Variants in MSRA observed in about 807,000 individuals in gnomAD.
MSRA encodes the protein mitochondrial peptide methionine sulfoxide reductase.
In MSRA, 54 loss-of-function variants were observed where a neutral mutation model predicts 31.3. The observed-to-expected ratio is 1.73, with a 90% CI of 1.39 to 2.17. The LOEUF (loss-of-function observed/expected upper bound fraction) is 2.17, where lower values mean the gene tolerates loss of function less well. Among genes scored for constraint, MSRA ranks in the 30% most tolerant of loss-of-function variants. The pLI, the probability that MSRA is intolerant of heterozygous loss-of-function variation, is 0.00. For missense variants in MSRA, 507 were observed against 300.9 expected, an observed-to-expected ratio of 1.69 and a Z score of -5.07; for synonymous variants, 169 against 116.5, an observed-to-expected ratio of 1.45 and a Z score of -2.90.
At chr8:10,404,909 C>T (rs1414693759) in intron 5 of MSRA, among the ~76,000 whole-genome samples, 3 of 152,226 alleles carry the variant, frequency 2.0e-5, no homozygotes, top group Admixed American at 1.3e-4. Context: ...CACAGCTGTG[C>T]ACCCACTGCT....
chr8:10,123,890 G>A (rs148171432), intron 1 of MSRA, among the ~76,000 whole-genome samples: 51 of 151,528 alleles, frequency 3.4e-4, no homozygotes, highest in African/African-American at 1.2e-3. Context: ...TTTGAGACAG[G>A]GTCTCACTCT....
intron 1 of MSRA, among the ~76,000 whole-genome samples, chr8:10,106,949 A>C (rs1585160175): frequency 6.8e-6 from 1 of 146,850 alleles, no homozygotes; most frequent in Admixed American, 6.8e-5. Flanking sequence ...CTTCCCACCC[A>C]CCTACGCAAC....
At chr8:10,144,112 A>T (rs541932085) in intron 1 of MSRA, among the ~76,000 whole-genome samples, 1 of 152,318 alleles carries the variant, frequency 6.6e-6, no homozygotes, top group South Asian at 2.1e-4. Context: ...CGGATTTAGC[A>T]GGGCCGGATC....
chr8:10,278,229 C>G (rs1410157605), intron 3 of MSRA, among the ~76,000 whole-genome samples: 2 of 152,130 alleles, frequency 1.3e-5, no homozygotes, highest in Admixed American at 6.5e-5. Context: ...AGAAGGAATT[C>G]TGGAGTACCT....
At chr8:10,390,500 C>T (rs1806674700) in intron 5 of MSRA, among the ~76,000 whole-genome samples, 1 of 152,178 alleles carries the variant, frequency 6.6e-6, no homozygotes, top group East Asian at 1.9e-4. Context: ...CCACGGGAAG[C>T]CAGGGGCATC....
intron 2 of MSRA, among the ~76,000 whole-genome samples, chr8:10,235,800 C>T (rs768030837): frequency 1.3e-5 from 2 of 151,992 alleles, no homozygotes; most frequent in Non-Finnish European, 2.9e-5. Context: ...GGCTAGCCAA[C>T]CAATTTTCTG....
At chr8:10,368,813 T>G (rs1805313254) in intron 5 of MSRA, among the ~76,000 whole-genome samples, 1 of 152,258 alleles carries the variant, frequency 6.6e-6, no homozygotes, top group East Asian at 1.9e-4. Flanking sequence ...TGCTTGTACC[T>G]GTCTTGTCAC....
At chr8:10,169,302 A>G (rs544218662) in intron 1 of MSRA, among the ~76,000 whole-genome samples, 21 of 152,320 alleles carry the variant, frequency 1.4e-4, no homozygotes, top group African/African-American at 5.1e-4. Flanking sequence ...AGAAAGCACA[A>G]TACTTGCCTT....
intron 2 of MSRA, among the ~76,000 whole-genome samples, chr8:10,221,007 G>C (rs1039948694): frequency 2.6e-5 from 4 of 152,198 alleles, no homozygotes; most frequent in Non-Finnish European, 5.9e-5. Context: ...TGCCTGGCGG[G>C]TGTGTCTTTG....
intron 3 of MSRA, among the ~76,000 whole-genome samples, chr8:10,259,873 C>G (rs904709649): frequency 2.0e-5 from 3 of 152,224 alleles, no homozygotes; most frequent in African/African-American, 7.2e-5. Flanking sequence ...GCTGGTGTTC[C>G]TGACTCGGGC....
rs1309222875 is a variant in MSRA, at chr8:10,054,549, C to T, written c.33C>T (p.Leu11=). The change falls in exon 1 of 6, where the codon CTC becomes CTT. Residue 11 remains leucine, a synonymous_variant. Transcript: ENST00000317173. ...CGGCCACCCGGAGGGCTTGCCAGCT[C>T]CTCCTCCTCCACAGCCTCTTTCCCG... MLSATRRACQ[L]LLLHSLFPVP... is the part of the protein sequence containing the mutation. 4.4e-6 allele frequency: 7 copies of T among 1,586,340 alleles called. No individual in the cohort carries two copies. The highest frequency in any genetic ancestry group is 5.1e-6 in the Non-Finnish European group (6 of 1,166,810).
chr8:10,208,263 G>A (rs1809179352), intron 2 of MSRA, among the ~76,000 whole-genome samples: 1 of 151,532 alleles, frequency 6.6e-6, no homozygotes, highest in Non-Finnish European at 1.5e-5. Context: ...TGGAATTTAA[G>A]TAGTTTTGAC....
At chr8:10,358,303 G>C (rs1804628523) in intron 5 of MSRA, among the ~76,000 whole-genome samples, 1 of 152,154 alleles carries the variant, frequency 6.6e-6, no homozygotes, top group Non-Finnish European at 1.5e-5. Flanking sequence ...TATTACAATA[G>C]TCCCAATAAC....
At chr8:10,253,539 C>T (rs1377243375) in intron 3 of MSRA, among the ~76,000 whole-genome samples, 2 of 152,140 alleles carry the variant, frequency 1.3e-5, no homozygotes, top group Non-Finnish European at 2.9e-5. Context: ...TAAAAACATC[C>T]TTTTACCCAT....
At chr8:10,174,647 C>T (rs758902847) in intron 1 of MSRA, among the ~76,000 whole-genome samples, 8 of 152,072 alleles carry the variant, frequency 5.3e-5, no homozygotes, top group Non-Finnish European at 8.8e-5. Flanking sequence ...GGAGCAGACT[C>T]CCCAGCCTGT....
intron 5 of MSRA, among the ~76,000 whole-genome samples, chr8:10,417,913 T>C (rs1808580206): frequency 6.6e-6 from 1 of 152,056 alleles, no homozygotes; most frequent in African/African-American, 2.4e-5. Flanking sequence ...TGTACAGGCG[T>C]CCTGCTGCCG....
rs899765246 is a variant in MSRA at position 10,306,396 on chromosome 8, A to G, written c.436+4758A>G. ...TTCAACACAACAATACAATTCCATC[A>G]GATTTTAATTTTACATTTATTCTTA... On this transcript the variant is annotated intron_variant, in intron 4 of 5. Transcript: ENST00000317173. 1.4e-4 allele frequency among the ~76,000 whole-genome samples: 21 copies of G among 152,178 alleles called. 1 individual carries two copies. The highest frequency in any genetic ancestry group is 1.5e-5 in the Non-Finnish European group (1 of 68,036).
intron 2 of MSRA, among the ~76,000 whole-genome samples, chr8:10,240,273 G>A (rs567022965): frequency 1.3e-5 from 2 of 152,224 alleles, no homozygotes; most frequent in Admixed American, 6.5e-5. Context: ...GACAGTCTCT[G>A]TTGCTGGCCA....
chr8:10,351,271 T>TTC (rs1804127661), intron 5 of MSRA, among the ~76,000 whole-genome samples: 1 of 148,180 alleles, frequency 6.7e-6, no homozygotes. Context: ...TTTTTTTTTT[T>TTC]TTAGACGGAG....
Sources: allele counts gnomAD v4.1 joint callset (sites outside exome capture counted in the v4.1 genomes callset), GRCh38; gene constraint gnomAD v4.1.1; transcripts MANE v1.5; gene names NCBI Gene and HGNC (gene_info 2026-07-23, HGNC 2026-07-21).